SIPA1L3: variants seen among roughly 807,000 people sequenced by gnomAD.
SIPA1L3 encodes the protein signal induced proliferation associated 1 like 3, also known as signal-induced proliferation-associated 1-like protein 3.
A neutral mutation model predicts 150.1 loss-of-function variants in SIPA1L3; 59 were observed. The observed-to-expected ratio is 0.39, with a 90% CI of 0.32 to 0.49. The LOEUF (loss-of-function observed/expected upper bound fraction) is 0.49. Ranked by LOEUF, SIPA1L3 falls within the 20% of genes least tolerant of loss-of-function variation. The pLI is 0.86. For synonymous variants in SIPA1L3, 1,070 were observed against 1,077.6 expected (o/e 0.99, Z 0.14); for missense variants, 2,211 against 2,489.5 (o/e 0.89, Z 2.38).
In SIPA1L3 at chr19:38,110,229, G is replaced by C. The variant is rs1970707409; in HGVS notation, c.2136G>C (p.Leu712=). 6.2e-7 allele frequency: 1 copy of C among 1,613,968 alleles called. No individual in the cohort carries two copies. Among genetic ancestry groups the C allele is most frequent in the Non-Finnish European group, 8.5e-7 (1 of 1,179,882 alleles). The change falls in exon 8 of 22, where the codon CTG becomes CTC. Residue 712 remains leucine, a splice_region_variant and synonymous_variant. Coordinates refer to ENST00000222345, the MANE Select transcript of SIPA1L3 (RefSeq NM_015073.3). The part of the protein sequence containing the change: ...LPYTPNNRQQ[L]LRKRHIGNDI... ...CCCCCTCTGTTGCCCTTTCCCAGCT[G>C]CTACGGAAGAGGCACATAGGAAATG...
intron 13 of SIPA1L3, among the ~76,000 whole-genome samples, chr19:38,161,335 C>T (rs1187377008): frequency 2.0e-4 from 28 of 136,722 alleles, no homozygotes; most frequent in East Asian, 6.3e-4. Context: ...AGCAAGACTC[C>T]GTCTCAAAAA....
chr19:37,962,486 T>TTTTTTTTTTTTTTTTTG (rs2046868262), intron 1 of SIPA1L3, among the ~76,000 whole-genome samples: 1 of 128,436 alleles, frequency 7.8e-6, no homozygotes, highest in Admixed American at 7.9e-5. Context: ...TTTTTTTTTT[T>TTTTTTTTTTTTTTTTTG]GAGATAGGGT....
intron 1 of SIPA1L3, among the ~76,000 whole-genome samples, chr19:37,941,315 G>C (rs1166541149): frequency 6.6e-6 from 1 of 152,094 alleles, no homozygotes; most frequent in Non-Finnish European, 1.5e-5. Flanking sequence ...TCATTTATTA[G>C]TGGGACTATT....
Position 38,081,781 on chromosome 19 carries a change from C to T in SIPA1L3, c.216C>T (p.Pro72=), listed in dbSNP as rs776331340. The stretch of plus-strand genomic sequence containing the variant: ...CCACCCGCCCCAGCCCCACCACTCC[C>T]GCAATGCCCAAGATGGGCGTGCGCG... ...TATTRPSPTT[P]AMPKMGVRAR... Residue 72 remains proline (P), a synonymous_variant, in exon 3 of 22, where the codon CCC becomes CCT. Transcript: ENST00000222345. 590 of 1,610,896 alleles carry T rather than the reference C, an allele frequency of 3.7e-4. 2 individuals carry two copies. Among genetic ancestry groups the T allele is most frequent in the South Asian group, 7.6e-4 (69 of 90,952 alleles).
At chr19:38,012,180 C>T (rs1239156993) in intron 1 of SIPA1L3, among the ~76,000 whole-genome samples, 9 of 151,678 alleles carry the variant, frequency 5.9e-5, no homozygotes, top group South Asian at 2.1e-4. Context: ...TCGACCTTCC[C>T]GGCTCCTGGC....
intron 10 of SIPA1L3, among the ~76,000 whole-genome samples, chr19:38,134,004 A>C (rs1416984590): frequency 6.6e-6 from 1 of 150,558 alleles, no homozygotes; most frequent in African/African-American, 2.4e-5. Context: ...TTTTTTTGAG[A>C]CTGAGTTTCA....
chr19:38,198,248 C>T (rs1305327619), intron 18 of SIPA1L3, 141 bp from the exon 19 acceptor site: 8 of 990,738 alleles, frequency 8.1e-6, no homozygotes, highest in African/African-American at 3.4e-5. Context: ...TCTGTAGGCT[C>T]CAGCACTCCC....
intron 19 of SIPA1L3, among the ~76,000 whole-genome samples, chr19:38,201,345 C>T (rs183681995): frequency 2.0e-5 from 3 of 152,236 alleles, no homozygotes; most frequent in Admixed American, 6.5e-5. Flanking sequence ...CTGGCAGCCC[C>T]GTGCGATTTC....
chr19:38,113,977 G>A (rs924733017), intron 8 of SIPA1L3, among the ~76,000 whole-genome samples: 6 of 152,066 alleles, frequency 3.9e-5, no homozygotes, highest in Non-Finnish European at 8.8e-5. Flanking sequence ...TCAAAACCCA[G>A]TCCCTCCTGC....
intron 1 of SIPA1L3, among the ~76,000 whole-genome samples, chr19:37,909,926 A>G (rs2145461512): frequency 6.6e-6 from 1 of 152,242 alleles, no homozygotes; most frequent in East Asian, 1.9e-4. Flanking sequence ...GATGGCCAAC[A>G]AATTTACCTA....
At chr19:38,009,603 A>C (rs1456190287) in intron 1 of SIPA1L3, among the ~76,000 whole-genome samples, 1 of 152,022 alleles carries the variant, frequency 6.6e-6, no homozygotes, top group East Asian at 1.9e-4. Flanking sequence ...CCCTCTCAAC[A>C]GCCCTATTGA....
Position 38,164,794 on chromosome 19 carries a change from G to A in SIPA1L3, c.4096G>A (p.Ala1366Thr), listed in dbSNP as rs756232357. The change falls in exon 15 of 22, where the codon GCC becomes ACC. Residue 1366 changes from alanine (A) to threonine (T), a missense_variant. By Grantham distance (58) the Ala-to-Thr change is moderately conservative. This residue lies in a region of SIPA1L3 where 806 missense variants were observed against 870.1 expected (regional missense o/e 0.93). Coordinates refer to ENST00000222345, the MANE Select transcript of SIPA1L3 (RefSeq NM_015073.3). The surrounding 1 kb of genome is among the most constrained non-coding windows in gnomAD (Gnocchi z 4.1). ...HADRRREVSP[A>T]PAVAGQSKGY... is the part of the protein sequence containing the mutation. ...AGACAGGCGGCGGGAGGTCTCCCCT[G>A]CCCCCGCAGTTGCCGGCCAAAGCAA... The A allele has an allele frequency of 6.2e-7, 1 of 1,611,674 alleles. No homozygotes were observed. The highest frequency in any genetic ancestry group is 2.2e-5 in the East Asian group (1 of 44,804).
chr19:38,092,236 G>A (rs1970276610), intron 4 of SIPA1L3, among the ~76,000 whole-genome samples: 1 of 151,940 alleles, frequency 6.6e-6, no homozygotes, highest in Non-Finnish European at 1.5e-5. Context: ...AAAAATACCA[G>A]ACTATAGCAT....
intron 2 of SIPA1L3, among the ~76,000 whole-genome samples, chr19:38,030,426 G>A (rs189288384): frequency 6.6e-6 from 1 of 151,960 alleles, no homozygotes; most frequent in African/African-American, 2.4e-5. Flanking sequence ...GCTGGGCGTG[G>A]TGATGCACAC....
At chr19:38,117,613 C>A (rs565973598) in intron 8 of SIPA1L3, among the ~76,000 whole-genome samples, 20 of 145,396 alleles carry the variant, frequency 1.4e-4, no homozygotes, top group African/African-American at 5.3e-4. Flanking sequence ...AGTGATACTC[C>A]ATCTCAGAAA....
rs199695282 is a variant in SIPA1L3, at chr19:38,119,672, C to G, written c.2658C>G (p.Ile886Met). ...VAQDYAQGVE[I>M]DCILGISNEF... The stretch of plus-strand genomic sequence containing the variant: ...AGGACTACGCCCAGGGGGTGGAAAT[C>G]GACTGCATTTTGGGAATTTCCAATG... Residue 886 changes from isoleucine (I) to methionine (M), a missense_variant, in exon 9 of 22, where the codon ATC (isoleucine) becomes ATG (methionine). Physicochemically the swap from Ile to Met is conservative, Grantham distance 10 (BLOSUM62 1). Coordinates refer to ENST00000222345, the MANE Select transcript of SIPA1L3 (RefSeq NM_015073.3). 478 of 1,614,134 alleles carry G rather than the reference C, an allele frequency of 3.0e-4. No individual in the cohort carries two copies. Among genetic ancestry groups the G allele is most frequent in the Non-Finnish European group, 3.8e-4 (446 of 1,180,026 alleles).
At chr19:38,019,180 G>T (rs1035687804) in intron 1 of SIPA1L3, among the ~76,000 whole-genome samples, 2 of 152,218 alleles carry the variant, frequency 1.3e-5, no homozygotes, top group African/African-American at 2.4e-5. Context: ...AATAACAGTG[G>T]TGTAAACTCA....
intron 2 of SIPA1L3, among the ~76,000 whole-genome samples, chr19:38,044,820 T>A (rs1196150638): frequency 1.3e-5 from 2 of 151,954 alleles, no homozygotes; most frequent in African/African-American, 4.8e-5. Context: ...GGAAGGAGAA[T>A]CAGAAACATA....
At chr19:37,981,780 G>T (rs1451708182) in intron 1 of SIPA1L3, among the ~76,000 whole-genome samples, 1 of 152,132 alleles carries the variant, frequency 6.6e-6, no homozygotes. Flanking sequence ...TGCTCCGTGA[G>T]TATTTAGGAA....
Sources: allele counts gnomAD v4.1 joint callset (sites outside exome capture counted in the v4.1 genomes callset), GRCh38; gene constraint gnomAD v4.1.1; regional missense constraint gnomAD v4.1.1; non-coding constraint Gnocchi (gnomAD v3.1); transcripts MANE v1.5; gene names NCBI Gene and HGNC (gene_info 2026-07-23, HGNC 2026-07-21).